The following CFAP210 variants were observed in gnomAD, a reference collection of about 807,000 sequenced individuals.
CFAP210 encodes the protein cilia- and flagella- associated protein 210.
At chr2:169,666,918 C>T in the CFAP210 span, among the ~76,000 whole-genome samples, 2 of 152,102 alleles carry the variant, frequency 1.3e-5, no homozygotes, top group African/African-American at 4.8e-5. Flanking sequence ...ATCAGCTTCT[C>T]ATCCATTCAA....
At chr2:169,670,210 T>TACA in the CFAP210 span, among the ~76,000 whole-genome samples, 2 of 152,150 alleles carry the variant, frequency 1.3e-5, no homozygotes, top group African/African-American at 4.8e-5. Context: ...AGCTACGGTG[T>TACA]TAAGTTTCTT....
chr2:169,686,644 C>G, the CFAP210 span, among the ~76,000 whole-genome samples: 2 of 152,120 alleles, frequency 1.3e-5, no homozygotes, highest in African/African-American at 4.8e-5. Context: ...ATGAAGCCAA[C>G]AGTCTCAATT....
chr2:169,663,821 A>T, the CFAP210 span, among the ~76,000 whole-genome samples: 1 of 151,920 alleles, frequency 6.6e-6, no homozygotes, highest in Non-Finnish European at 1.5e-5. Context: ...AAGCTTCCAG[A>T]ATTTTGTTAG....
the CFAP210 span, chr2:169,680,987 C>T: frequency 1.1e-4 from 183 of 1,600,176 alleles, no homozygotes; most frequent in Middle Eastern, 3.3e-4. Flanking sequence ...CATGTGTACT[C>T]CTGGATGGTT....
At chr2:169,678,136 T>A in the CFAP210 span, among the ~76,000 whole-genome samples, 1 of 150,836 alleles carries the variant, frequency 6.6e-6, no homozygotes, top group Non-Finnish European at 1.5e-5. Context: ...AGGTCGGGAG[T>A]TCGAGACCAG....
the CFAP210 span, among the ~76,000 whole-genome samples, chr2:169,674,016 T>C: frequency 2.6e-4 from 39 of 152,340 alleles, no homozygotes; most frequent in East Asian, 7.5e-3. Flanking sequence ...GGAAGTCTAC[T>C]TCTCTGTTCC....
the CFAP210 span, among the ~76,000 whole-genome samples, chr2:169,654,793 TAATA>T: frequency 1.3e-5 from 2 of 151,994 alleles, no homozygotes; most frequent in East Asian, 3.9e-4. Context: ...TATATATATA[TAATA>T]TAAAGTTCAT....
chr2:169,657,607 C>T, the CFAP210 span, among the ~76,000 whole-genome samples: 1 of 152,002 alleles, frequency 6.6e-6, no homozygotes, highest in East Asian at 1.9e-4. Flanking sequence ...ATCCCAGCTA[C>T]TCGGGAGGCT....
chr2:169,645,660 TAAAAA>T, the CFAP210 span: 17 of 559,524 alleles, frequency 3.0e-5, no homozygotes, highest in Admixed American at 1.3e-4. Context: ...TTACCACAGT[TAAAAA>T]AAGGAATCTC....
the CFAP210 span, among the ~76,000 whole-genome samples, chr2:169,684,885 G>A: frequency 6.6e-6 from 1 of 152,056 alleles, no homozygotes; most frequent in South Asian, 2.1e-4. Context: ...CAAACTCCTG[G>A]CCTCAAGTGA....
chr2:169,664,841 T>C, the CFAP210 span, among the ~76,000 whole-genome samples: 2 of 152,212 alleles, frequency 1.3e-5, no homozygotes, highest in Non-Finnish European at 2.9e-5. Context: ...ATTCTGAAGA[T>C]TCCAAATCTG....
At chr2:169,693,896 G>A in the CFAP210 span, among the ~76,000 whole-genome samples, 18 of 152,236 alleles carry the variant, frequency 1.2e-4, no homozygotes, top group African/African-American at 4.1e-4. Flanking sequence ...TTCAATCAGT[G>A]AATAACAAAC....
chr2:169,684,647 T>C, the CFAP210 span, among the ~76,000 whole-genome samples: 2 of 130,728 alleles, frequency 1.5e-5, no homozygotes, highest in Non-Finnish European at 3.6e-5. Flanking sequence ...TGATTCCTTT[T>C]CGTTGTTGTT....
At chr2:169,665,332 C>A in the CFAP210 span, among the ~76,000 whole-genome samples, 1 of 152,142 alleles carries the variant, frequency 6.6e-6, no homozygotes, top group Non-Finnish European at 1.5e-5. Flanking sequence ...GTCATCCAGG[C>A]TGGAGTGTAG....
chr2:169,674,037 T>A, the CFAP210 span, among the ~76,000 whole-genome samples: 2 of 152,216 alleles, frequency 1.3e-5, no homozygotes, highest in East Asian at 3.8e-4. Flanking sequence ...ATTATTGTTG[T>A]TGGGGTTGGC....
chr2:169,678,341 C>CAAAAAAAAAAAAAAAAAA, the CFAP210 span, among the ~76,000 whole-genome samples: 1 of 88,230 alleles, frequency 1.1e-5, no homozygotes, highest in Non-Finnish European at 2.2e-5. Flanking sequence ...AACTCTGTTG[C>CAAAAAAAAAAAAAAAAAA]AAAAAAAAAA....
At chr2:169,680,951 T>A in the CFAP210 span, 1 of 1,434,278 alleles carries the variant, frequency 7.0e-7, no homozygotes, top group South Asian at 1.2e-5. Context: ...ATAAGAGTAC[T>A]AAGAAACAAG....
the CFAP210 span, chr2:169,658,261 G>A: frequency 4.6e-5 from 7 of 152,466 alleles, no homozygotes; most frequent in East Asian, 1.2e-3. Context: ...AAAAGTTTGT[G>A]TTGGCTACCA....
chr2:169,674,847 C>T, the CFAP210 span: 1 of 1,495,858 alleles, frequency 6.7e-7, no homozygotes, highest in East Asian at 2.5e-5. Context: ...TATAAAAATA[C>T]AAGAAAACTC....
Sources: gnomAD v4.1 joint callset for allele counts (sites outside exome capture counted in the v4.1 genomes callset) on GRCh38, gnomAD v4.1.1 for gene constraint, MANE v1.5 for transcripts, NCBI Gene and HGNC (gene_info 2026-07-23, HGNC 2026-07-21) for gene names.